The following ENOSF1 variants were observed in gnomAD, a reference collection of about 807,000 sequenced individuals.
ENOSF1 encodes the protein mitochondrial enolase superfamily member 1.
In ENOSF1, 73 loss-of-function variants were observed where a neutral mutation model predicts 68.2. The ratio of observed to expected loss-of-function variants is 1.07; its 90% CI spans 0.89 to 1.30. The LOEUF (loss-of-function observed/expected upper bound fraction) is 1.30. Among genes scored for constraint, ENOSF1 ranks in the 50% most tolerant of loss-of-function variants. The probability of loss-of-function intolerance (pLI) is 0.00; values close to 1 mark genes in which losing one functional copy is unlikely to be tolerated. For missense variants in ENOSF1, 589 were observed against 554.5 expected, an observed-to-expected ratio of 1.06 and a Z score of -0.62; for synonymous variants, 223 against 210.4, an observed-to-expected ratio of 1.06 and a Z score of -0.52.
chr18:704,956 A>AG (rs1555672235), intron 2 of ENOSF1, among the ~76,000 whole-genome samples: 1 of 23,340 alleles, frequency 4.3e-5, no homozygotes, highest in Non-Finnish European at 7.5e-5. Flanking sequence ...GGCAGCACTC[A>AG]GAAGTCTGCA....
chr18:694,407 G>A, intron 3 of ENOSF1, 73 bp from the exon 4 acceptor site: 1 of 1,399,380 alleles, frequency 7.1e-7, no homozygotes, highest in Non-Finnish European at 9.9e-7. Flanking sequence ...GCTCATGCCT[G>A]TAAACCCAGG....
At position 694,485 on chromosome 18, in the gene ENOSF1, GCC is replaced by G. The variant is rs576414138; in HGVS notation, c.310-153_310-152del. ...GTCTCTACTGAAAACAGAGAAATGA[GCC>G]AGGTGTGGTGGTTTGTGCCTGTAGT... On this transcript the variant is annotated intron_variant, in intron 3 of 15. Transcript: ENST00000647584. 1,001 of 692,048 alleles carry G rather than the reference GCC, an allele frequency of 1.4e-3. 6 individuals carry two copies. In the African/African-American group the frequency reaches 0.015, roughly 11 times the overall value. The allele number at this position is 692,048 out of a possible 1,614,324, so 42.9% of individuals were successfully genotyped here.
rs2075004770 is a variant in ENOSF1 at position 670,724 on chromosome 18, G to A, written c.*3581C>T. On this transcript the variant is annotated 3_prime_UTR_variant, in exon 16 of 16. Coordinates refer to ENST00000647584, the MANE Select transcript of ENOSF1 (RefSeq NM_017512.7). The stretch of plus-strand genomic sequence containing the variant: ...TCTGATGGCGCTGCCTCCATGCCAT[G>A]CCCTCTGCCAGTTCTATGTGGTGAA... The A allele has an allele frequency of 6.2e-7, 1 of 1,614,008 alleles. No individual in the cohort carries two copies. The highest frequency in any genetic ancestry group is 8.5e-7 in the Non-Finnish European group (1 of 1,180,020).
chr18:703,644 C>A (rs532334877), intron 2 of ENOSF1, among the ~76,000 whole-genome samples: 6 of 152,190 alleles, frequency 3.9e-5, no homozygotes, highest in Non-Finnish European at 8.8e-5. Context: ...CTCTGCCTGG[C>A]AAATTCCTGT....
rs1246810679 is a variant in ENOSF1, at chr18:672,582, T to C, written c.*1723A>G. ...TGACTGTGTTCCTGTCTTTAATAAA[T>C]TTGCCAAGAGTGGTTATAAGAACTT... is the stretch of plus-strand genomic sequence containing the variant. On this transcript the variant is annotated 3_prime_UTR_variant, in exon 16 of 16. Coordinates refer to ENST00000647584, the MANE Select transcript of ENOSF1 (RefSeq NM_017512.7). 2 of 259,290 alleles carry C rather than the reference T, an allele frequency of 7.7e-6. No homozygotes were observed. The highest frequency in any genetic ancestry group is 1.5e-5 in the Non-Finnish European group (2 of 134,882). 16.1% of individuals were successfully genotyped at this position (259,290 alleles called of 1,614,324 possible). A position where few individuals can be genotyped will look rare whatever the true frequency, so the allele number is the denominator to read the frequency against.
At chr18:712,221 A>T in intron 1 of ENOSF1, 1 of 1,481,318 alleles carries the variant, frequency 6.8e-7, no homozygotes. Flanking sequence ...AATTGCTCCA[A>T]GGCATGAAAA....
chr18:704,037 G>A (rs1352090944), intron 2 of ENOSF1, among the ~76,000 whole-genome samples: 2 of 152,154 alleles, frequency 1.3e-5, no homozygotes, highest in African/African-American at 4.8e-5. Flanking sequence ...TAGAAGCTGA[G>A]TAGCTGGCAT....
rs1427352009 is a variant in ENOSF1, at chr18:670,599, AG to A, written c.*3705del. 1 of 1,373,172 alleles carries A rather than the reference AG, an allele frequency of 7.3e-7. No individual in the cohort carries two copies. The highest frequency in any genetic ancestry group is 2.3e-5 in the East Asian group (1 of 43,576). 85.1% of individuals were successfully genotyped at this position (1,373,172 alleles called of 1,614,324 possible). On this transcript the variant is annotated 3_prime_UTR_variant, in exon 16 of 16. Transcript: ENST00000647584. The stretch of plus-strand genomic sequence containing the variant: ...TCTCTCTCCTGGTCTCCACCATATG[AG>A]TTGGCTTCTGTTTCTCTCCTGTTTT...
intron 14 of ENOSF1, 111 bp downstream of exon 14, chr18:677,234 G>A (rs2075604637): frequency 4.7e-6 from 4 of 850,662 alleles, no homozygotes; most frequent in Non-Finnish European, 7.5e-6. Context: ...TATAGGACAT[G>A]CCAGCGGACA....
rs1206151954 is a variant in ENOSF1 at position 673,618 on chromosome 18, A to G, written c.*687T>C. ...TGGTTTGGATGCTACTTAAAAGAGTATATTTTAGAAATAATAGTGAATATA... is the reference window on the plus strand; with the variant it reads ...TGGTTTGGATGCTACTTAAAAGAGTGTATTTTAGAAATAATAGTGAATATA... On this transcript the variant is annotated 3_prime_UTR_variant, in exon 16 of 16. Coordinates refer to ENST00000647584, the MANE Select transcript of ENOSF1 (RefSeq NM_017512.7). 2.3e-5 allele frequency: 4 copies of G among 175,404 alleles called. No homozygotes were observed. The highest frequency in any genetic ancestry group is 2.4e-5 in the Non-Finnish European group (2 of 82,082). The allele number at this position is 175,404 out of a possible 1,614,324, so 10.9% of individuals were successfully genotyped here.
chr18:704,440 G>GAAAAAAAAA lies in ENOSF1; in HGVS notation c.193+2021_193+2029dup, dbSNP rs11429267. Among the ~76,000 whole-genome samples, 812 of 96,718 alleles carry GAAAAAAAAA rather than the reference G, an allele frequency of 8.4e-3. 12 individuals carry two copies. The highest frequency in any genetic ancestry group is 0.011 in the African/African-American group (279 of 26,054). The allele number at this position is 96,718 out of a possible 152,430, so 63.5% of individuals were successfully genotyped here. A position where few individuals can be genotyped will look rare whatever the true frequency, so the allele number is the denominator to read the frequency against. ...AAGACTCTTGTTTCCAAAAAGAAAA[G>GAAAAAAAAA]AAAAAAAAAAAAAAAAAGAACAGCC... On this transcript the variant is annotated intron_variant, in intron 2 of 15. Coordinates refer to ENST00000647584, the MANE Select transcript of ENOSF1 (RefSeq NM_017512.7).
At chr18:674,977 T>C (rs1004903921) in intron 15 of ENOSF1, among the ~76,000 whole-genome samples, 1 of 152,222 alleles carries the variant, frequency 6.6e-6, no homozygotes, top group Non-Finnish European at 1.5e-5. Context: ...CTCTTGAACA[T>C]GATCAGAATA....
Position 683,387 on chromosome 18 carries a change from A to C in ENOSF1, c.742-7T>G, listed in dbSNP as rs1296929273. ...GCTGGTTGGCATCCATCATCTGCAA[A>C]AAGAGACTCTTCACAGGGAGGTCAG... On this transcript the variant is annotated splice_region_variant and splice_polypyrimidine_tract_variant and intron_variant, in intron 10 of 15. Transcript: ENST00000647584. 3 of 1,613,970 alleles carry C rather than the reference A, an allele frequency of 1.9e-6. No individual in the cohort carries two copies. Among genetic ancestry groups the C allele is most frequent in the South Asian group, 2.2e-5 (2 of 91,052 alleles).
At position 683,321 on chromosome 18, in the gene ENOSF1, C is replaced by T; in HGVS notation, c.801G>A (p.Leu267=). The change falls in exon 11 of 16, where the codon CTG becomes CTA. Residue 267 remains leucine (L), a synonymous_variant. Coordinates refer to ENST00000647584, the MANE Select transcript of ENOSF1 (RefSeq NM_017512.7). ...CAATCCACAATGGCTTGAACTTGGC[C>T]AGCTTGGACATCCACTCCACCGCCT... ...VPEAVEWMSK[L]AKFKPLWIEE... 6.2e-7 allele frequency: 1 copy of T among 1,614,156 alleles called. No homozygotes were observed. Among genetic ancestry groups the T allele is most frequent in the South Asian group, 1.1e-5 (1 of 91,088 alleles).
At chr18:682,210 G>A (rs558182081) in intron 11 of ENOSF1, among the ~76,000 whole-genome samples, 2 of 152,156 alleles carry the variant, frequency 1.3e-5, no homozygotes, top group African/African-American at 2.4e-5. Context: ...ATCATTGTGT[G>A]AACATCATAG....
At chr18:696,932 C>T (rs1295156491) in intron 3 of ENOSF1, among the ~76,000 whole-genome samples, 1 of 152,022 alleles carries the variant, frequency 6.6e-6, no homozygotes, top group African/African-American at 2.4e-5. Context: ...GCCTGGCCAA[C>T]GTGGTCAAAC....
intron 3 of ENOSF1, among the ~76,000 whole-genome samples, chr18:696,290 C>A (rs2077721602): frequency 6.9e-6 from 1 of 145,378 alleles, no homozygotes; most frequent in Admixed American, 7.1e-5. Flanking sequence ...CGGCTCACTG[C>A]AAGCTCCGCC....
intron 1 of ENOSF1, among the ~76,000 whole-genome samples, chr18:709,797 A>G (rs1166654244): frequency 6.6e-6 from 1 of 151,976 alleles, no homozygotes; most frequent in African/African-American, 2.4e-5. Flanking sequence ...TCTTTAGCAG[A>G]TTTTGAGGAC....
rs1298486936 is a variant in ENOSF1 at position 670,984 on chromosome 18, TGTAA to T, written c.*3317_*3320del. ...CTGATTAGCTTTTAAATTTGATATG[TGTAA>T]GTAAGAAATGAACCAGCTTTTACTT... On this transcript the variant is annotated 3_prime_UTR_variant, in exon 16 of 16. Coordinates refer to ENST00000647584, the MANE Select transcript of ENOSF1 (RefSeq NM_017512.7). 2.0e-5 allele frequency: 25 copies of T among 1,278,846 alleles called. No homozygotes were observed. The Middle Eastern group carries it at 8.2e-4, about 42-fold the overall frequency. 79.2% of individuals were successfully genotyped at this position (1,278,846 alleles called of 1,614,324 possible).
Sources: allele counts gnomAD v4.1 joint callset (sites outside exome capture counted in the v4.1 genomes callset), GRCh38; gene constraint gnomAD v4.1.1; transcripts MANE v1.5; gene names NCBI Gene and HGNC (gene_info 2026-07-23, HGNC 2026-07-21).